Variants in DENND2C observed in about 807,000 individuals in gnomAD.
DENND2C encodes the protein DENN domain-containing protein 2C.
A neutral mutation model predicts 112.4 loss-of-function variants in DENND2C; 72 were observed. The observed-to-expected ratio is 0.64, with a 90% CI of 0.53 to 0.78. DENND2C has a LOEUF of 0.78. DENND2C is among the 30% of genes least tolerant of loss of function. DENND2C has a pLI of 0.00. For missense variants in DENND2C, 992 were observed against 1,113.8 expected, an observed-to-expected ratio of 0.89 and a Z score of 1.56; for synonymous variants, 329 against 381.6, an observed-to-expected ratio of 0.86 and a Z score of 1.61.
chr1:114,587,628 C>G lies in DENND2C; in HGVS notation c.2668+88G>C, dbSNP rs58553623. Reference sequence around the variant, plus strand: ...AACAACTCAGATTTTAAGCCCTTGTCGCTTTACAATACTTTTTATTCATAA... The same window carrying G: ...AACAACTCAGATTTTAAGCCCTTGTGGCTTTACAATACTTTTTATTCATAA... On this transcript the variant is annotated intron_variant, in intron 19 of 20. Transcript: ENST00000393274. The G allele has an allele frequency of 5.1e-3, 7,291 of 1,424,514 alleles. 335 individuals are homozygous for G. The African/African-American group carries it at 0.093, about 18-fold the overall frequency. The allele number at this position is 1,424,514 out of a possible 1,614,324, so 88.2% of individuals were successfully genotyped here.
intron 20 of DENND2C, 91 bp from the exon 21 acceptor site, chr1:114,585,722 G>T: frequency 1.5e-6 from 2 of 1,333,692 alleles, no homozygotes; most frequent in Non-Finnish European, 2.1e-6. Context: ...CAGTCATTCA[G>T]AACAGCCCAA....
At chr1:114,594,823 C>CTT (rs1655298769) in intron 17 of DENND2C, among the ~76,000 whole-genome samples, 1 of 152,188 alleles carries the variant, frequency 6.6e-6, no homozygotes, top group Non-Finnish European at 1.5e-5. Flanking sequence ...TCTCTCTCAT[C>CTT]TACAAGTCTT....
chr1:114,623,839 G>A (rs562359463), intron 4 of DENND2C, among the ~76,000 whole-genome samples, 196 bp from the exon 5 acceptor site: 108 of 152,114 alleles, frequency 7.1e-4, no homozygotes, highest in Admixed American at 5.1e-3. Context: ...AGGTTCAAGC[G>A]ATTCTACATT....
intron 1 of DENND2C, among the ~76,000 whole-genome samples, chr1:114,662,768 C>T (rs985137707): frequency 1.3e-5 from 2 of 152,208 alleles, no homozygotes; most frequent in East Asian, 3.9e-4. Context: ...CCAACCTAGA[C>T]AACGTATTGA....
Position 114,625,690 on chromosome 1 carries a change from T to A in DENND2C, c.295A>T (p.Lys99Ter). Residue 99 changes from lysine to a stop codon, truncating the protein, a stop_gained, in exon 4 of 21, where the codon AAA (lysine) becomes TAA (stop). Transcript: ENST00000393274. LOFTEE classifies it high-confidence loss of function. The part of the protein sequence containing the change: ...SHDQSENENK[K>*]HEYDDTHFFK... ...AAGTGTGTATCGTCATATTCATGTT[T>A]CTTATTTTCATTCTCACTTTGATCA... The A allele has an allele frequency of 6.2e-7, 1 of 1,614,100 alleles. No homozygotes were observed. Among genetic ancestry groups the A allele is most frequent in the East Asian group, 2.2e-5 (1 of 44,874 alleles).
At chr1:114,588,296 C>T (rs905815747) in intron 18 of DENND2C, among the ~76,000 whole-genome samples, 3 of 152,216 alleles carry the variant, frequency 2.0e-5, no homozygotes, top group Non-Finnish European at 4.4e-5. Context: ...CTCCATGCTG[C>T]ATTTGTGCTA....
chr1:114,624,361 A>C (rs538885477), intron 4 of DENND2C, among the ~76,000 whole-genome samples: 1 of 152,056 alleles, frequency 6.6e-6, no homozygotes, highest in East Asian at 1.9e-4. Flanking sequence ...GAGTGCAGTG[A>C]AGTGATCATG....
rs1654965275 is a variant in DENND2C, at chr1:114,583,751, G to A, written c.*1849C>T. 1 of 137,418 alleles carries A rather than the reference G, an allele frequency of 7.3e-6. No individual in the cohort carries two copies. The highest frequency in any genetic ancestry group is 1.6e-5 in the Non-Finnish European group (1 of 64,246). The allele number at this position is 137,418 out of a possible 1,614,324, so 8.5% of individuals were successfully genotyped here. ...GAAGCCGGGAGGCGGAGGTTGCAGT[G>A]AGCCGAGATCACACCATTGCACTCC... is the stretch of plus-strand genomic sequence containing the variant. On this transcript the variant is annotated 3_prime_UTR_variant, in exon 21 of 21. Coordinates refer to ENST00000393274, the MANE Select transcript of DENND2C (RefSeq NM_001256404.2).
chr1:114,655,294 T>C (rs973164201), intron 1 of DENND2C, among the ~76,000 whole-genome samples: 2 of 152,156 alleles, frequency 1.3e-5, no homozygotes, highest in African/African-American at 4.8e-5. Context: ...CAAAATAAAA[T>C]ATAAGCACAC....
At chr1:114,605,628 C>CA (rs1384609116) in intron 10 of DENND2C, among the ~76,000 whole-genome samples, 1 of 152,106 alleles carries the variant, frequency 6.6e-6, no homozygotes, top group Non-Finnish European at 1.5e-5. Flanking sequence ...CCCATCTCTA[C>CA]AAAAAATAGA....
chr1:114,622,171 T>A, intron 6 of DENND2C, 106 bp from the exon 7 acceptor site: 1 of 1,193,534 alleles, frequency 8.4e-7, no homozygotes, highest in Non-Finnish European at 1.1e-6. Context: ...TGGAATGCAG[T>A]GGCACGATCA....
intron 2 of DENND2C, among the ~76,000 whole-genome samples, chr1:114,652,659 T>C (rs1657201138): frequency 8.6e-6 from 1 of 116,222 alleles, no homozygotes; most frequent in Non-Finnish European, 1.7e-5. Flanking sequence ...GCCTTACATT[T>C]ACTTTTTTTT....
At chr1:114,629,627 C>G (rs1420652949) in intron 3 of DENND2C, among the ~76,000 whole-genome samples, 1 of 152,218 alleles carries the variant, frequency 6.6e-6, no homozygotes, top group Non-Finnish European at 1.5e-5. Context: ...GGAGATGACT[C>G]TTAATCATGT....
At chr1:114,596,470 CTG>C (rs1316593228) in intron 16 of DENND2C, among the ~76,000 whole-genome samples, 1 of 152,188 alleles carries the variant, frequency 6.6e-6, no homozygotes, top group Non-Finnish European at 1.5e-5. Context: ...GATTTAAACA[CTG>C]GATTTTGCTG....
At chr1:114,588,943 T>C (rs1245289374) in intron 18 of DENND2C, among the ~76,000 whole-genome samples, 3 of 152,160 alleles carry the variant, frequency 2.0e-5, no homozygotes, top group Admixed American at 2.0e-4. Context: ...AAAATAGTGA[T>C]TTGAGTGCTA....
intron 20 of DENND2C, 83 bp downstream of exon 20, chr1:114,587,304 C>G (rs376899821): frequency 1.3e-5 from 19 of 1,494,730 alleles, no homozygotes; most frequent in African/African-American, 5.5e-5. Context: ...TACTTGACCT[C>G]GCAAAGTGCT....
chr1:114,666,750 G>A (rs971764058), intron 1 of DENND2C, among the ~76,000 whole-genome samples: 4 of 152,154 alleles, frequency 2.6e-5, no homozygotes, highest in African/African-American at 7.2e-5. Flanking sequence ...ACCACGCCTG[G>A]CCCTAAATCT....
chr1:114,620,597 A>C (rs1656138002), intron 7 of DENND2C, among the ~76,000 whole-genome samples: 1 of 152,182 alleles, frequency 6.6e-6, no homozygotes, highest in Non-Finnish European at 1.5e-5. Context: ...TTGCTGGGCC[A>C]TGTGGGAGGC....
rs1007221015 is a variant in DENND2C at position 114,638,415 on chromosome 1, T to C, written c.-205+7033A>G. Among the ~76,000 whole-genome samples the C allele has an allele frequency of 4.6e-5, 7 of 152,106 alleles. No individual in the cohort carries two copies. The South Asian group carries it at 6.2e-4, about 13-fold the overall frequency. On this transcript the variant is annotated intron_variant, in intron 3 of 20. Transcript: ENST00000393274. ...ACCATAAAGAAAAAGAATGGATACA[T>C]TGGACTTCATCAAAATTAAAACCTT...
Sources: allele counts gnomAD v4.1 joint callset (sites outside exome capture counted in the v4.1 genomes callset), GRCh38; gene constraint gnomAD v4.1.1; transcripts MANE v1.5; gene names NCBI Gene and HGNC (gene_info 2026-07-23, HGNC 2026-07-21).